The following PTPRO variants were observed in gnomAD, a reference collection of about 807,000 sequenced individuals.
The protein encoded by PTPRO is receptor-type tyrosine-protein phosphatase O.
A neutral mutation model predicts 145.2 loss-of-function variants in PTPRO; 62 were observed. That is an observed-to-expected ratio of 0.43 (90% CI 0.35 to 0.53). The LOEUF is 0.53. PTPRO is among the 20% of genes least tolerant of loss of function. The pLI is 0.01. For synonymous variants in PTPRO, 565 were observed against 514.7 expected, an observed-to-expected ratio of 1.10 and a Z score of -1.32; for missense variants, 1,345 against 1,482.7, an observed-to-expected ratio of 0.91 and a Z score of 1.53.
chr12:15,516,727 A>G, intron 8 of PTPRO, 36 bp from the exon 9 acceptor site: 2 of 1,542,534 alleles, frequency 1.3e-6, no homozygotes, highest in Non-Finnish European at 1.8e-6. Flanking sequence ...TTCCTTCTTA[A>G]CTTTCTTTTT....
At position 15,489,524 on chromosome 12, in the gene PTPRO, T is replaced by C. The variant is rs1389476558; in HGVS notation, c.349+5277T>C. On this transcript the variant is annotated intron_variant, in intron 2 of 26. Transcript: ENST00000281171. ...GACCATATAGAGTAACTTCCTGACA[T>C]TGCCATGGCATTTGTAAACTGTCAT... Among the ~76,000 whole-genome samples, 3 of 152,194 alleles carry C rather than the reference T, an allele frequency of 2.0e-5. No homozygotes were observed. In the East Asian group the frequency reaches 5.8e-4, roughly 29 times the overall value.
At chr12:15,461,265 C>T (rs1591831815) in intron 1 of PTPRO, among the ~76,000 whole-genome samples, 1 of 152,134 alleles carries the variant, frequency 6.6e-6, no homozygotes, top group Non-Finnish European at 1.5e-5. Flanking sequence ...TCAAATCTAC[C>T]TGTAAGCTGG....
intron 2 of PTPRO, among the ~76,000 whole-genome samples, chr12:15,496,133 T>C (rs1295399738): frequency 1.6e-5 from 2 of 124,144 alleles, no homozygotes; most frequent in Non-Finnish European, 3.3e-5. Context: ...ATTTTTCTTT[T>C]CTTTTTTTGT....
At chr12:15,358,485 C>G (rs1938070326) in intron 1 of PTPRO, among the ~76,000 whole-genome samples, 1 of 152,174 alleles carries the variant, frequency 6.6e-6, no homozygotes, top group Non-Finnish European at 1.5e-5. Context: ...CTAACTCCCC[C>G]ACGTCTCTAT....
intron 1 of PTPRO, among the ~76,000 whole-genome samples, chr12:15,402,268 G>T (rs1391629354): frequency 6.6e-6 from 1 of 152,000 alleles, no homozygotes; most frequent in Non-Finnish European, 1.5e-5. Flanking sequence ...TGTGCCTGTA[G>T]TCCCAGCTAC....
chr12:15,551,336 AT>A (rs1259436106), intron 14 of PTPRO, among the ~76,000 whole-genome samples: 1 of 152,204 alleles, frequency 6.6e-6, no homozygotes, highest in Non-Finnish European at 1.5e-5. Flanking sequence ...AAGGGACTCA[AT>A]TCTTCCAGAC....
rs1427282443 is a variant in PTPRO, at chr12:15,578,956, A to C, written c.2920+13A>C. On this transcript the variant is annotated intron_variant, in intron 20 of 26. Transcript: ENST00000281171. ...AACATCCTACCATGTAAGATCGTCA[A>C]TTGTGCCAATAACACTCATGTCTTA... is the stretch of plus-strand genomic sequence containing the variant. 6.5e-7 allele frequency: 1 copy of C among 1,544,964 alleles called. No homozygotes were observed.
At chr12:15,413,144 G>A (rs1195925838) in intron 1 of PTPRO, among the ~76,000 whole-genome samples, 1 of 152,120 alleles carries the variant, frequency 6.6e-6, no homozygotes, top group African/African-American at 2.4e-5. Context: ...AGGCTGGAAT[G>A]CAGTGGCACC....
At chr12:15,416,613 C>T (rs1435316317) in intron 1 of PTPRO, among the ~76,000 whole-genome samples, 1 of 151,562 alleles carries the variant, frequency 6.6e-6, no homozygotes, top group East Asian at 1.9e-4. Context: ...GCCACCGCGC[C>T]CAGCCGGTTC....
At chr12:15,419,876 A>G (rs1390020776) in intron 1 of PTPRO, among the ~76,000 whole-genome samples, 1 of 147,942 alleles carries the variant, frequency 6.8e-6, no homozygotes, top group Non-Finnish European at 1.5e-5. Flanking sequence ...GGCCGGGTGC[A>G]GTGGCTCACG....
At chr12:15,539,672 G>C (rs1167177695) in intron 12 of PTPRO, among the ~76,000 whole-genome samples, 1 of 140,882 alleles carries the variant, frequency 7.1e-6, no homozygotes, top group African/African-American at 2.6e-5. Context: ...TGAGGCAGGA[G>C]AATTTTTTGA....
At chr12:15,422,938 T>C (rs1163790200) in intron 1 of PTPRO, among the ~76,000 whole-genome samples, 1 of 152,210 alleles carries the variant, frequency 6.6e-6, no homozygotes, top group Non-Finnish European at 1.5e-5. Flanking sequence ...TCAATTTCTA[T>C]GTATGTATTC....
At chr12:15,556,609 C>T (rs71459184) in intron 15 of PTPRO, among the ~76,000 whole-genome samples, 6 of 151,978 alleles carry the variant, frequency 3.9e-5, no homozygotes, top group Admixed American at 6.5e-5. Flanking sequence ...ATACATTCCA[C>T]TCTTTTATTC....
intron 1 of PTPRO, among the ~76,000 whole-genome samples, chr12:15,476,546 C>G (rs1358252599): frequency 1.3e-5 from 2 of 151,048 alleles, no homozygotes. Flanking sequence ...GTTTCTTTTG[C>G]TGTGCAGAAG....
chr12:15,488,664 G>A (rs1269026262), intron 2 of PTPRO, among the ~76,000 whole-genome samples: 5 of 152,164 alleles, frequency 3.3e-5, no homozygotes, highest in African/African-American at 1.2e-4. Context: ...CAAAGCAATT[G>A]GCCCCAGGGC....
intron 1 of PTPRO, among the ~76,000 whole-genome samples, chr12:15,332,990 C>T (rs1197985944): frequency 6.6e-6 from 1 of 152,192 alleles, no homozygotes; most frequent in Non-Finnish European, 1.5e-5. Context: ...CATCACACAA[C>T]TTTAAGCTAT....
chr12:15,562,559 T>C (rs1297729070), intron 17 of PTPRO, among the ~76,000 whole-genome samples: 1 of 152,114 alleles, frequency 6.6e-6, no homozygotes, highest in Non-Finnish European at 1.5e-5. Flanking sequence ...CTCTCTCTCA[T>C]AGTGTTGCTC....
At position 15,597,127 on chromosome 12, in the gene PTPRO, C is replaced by G. The variant is rs1944674600; in HGVS notation, c.*1054C>G. ...TGTCAAATGTCTCTATGGATTCTGA[C>G]AGAGATTTCTTTTTGTTTTGTTATT... is the stretch of plus-strand genomic sequence containing the variant. On this transcript the variant is annotated 3_prime_UTR_variant, in exon 27 of 27. Coordinates refer to ENST00000281171, the MANE Select transcript of PTPRO (RefSeq NM_030667.3). 6.6e-6 allele frequency: 1 copy of G among 152,382 alleles called. No homozygotes were observed. The highest frequency in any genetic ancestry group is 2.4e-5 in the African/African-American group (1 of 41,422). The allele number at this position is 152,382 out of a possible 1,614,324, so 9.4% of individuals were successfully genotyped here.
At chr12:15,509,986 G>A (rs1223337974) in intron 7 of PTPRO, among the ~76,000 whole-genome samples, 1 of 152,120 alleles carries the variant, frequency 6.6e-6, no homozygotes, top group Non-Finnish European at 1.5e-5. Flanking sequence ...TTTTTACAAG[G>A]TCAAATGTGG....
Sources: gnomAD v4.1 joint callset for allele counts (sites outside exome capture counted in the v4.1 genomes callset) on GRCh38, gnomAD v4.1.1 for gene constraint, MANE v1.5 for transcripts, NCBI Gene and HGNC (gene_info 2026-07-23, HGNC 2026-07-21) for gene names.